Variants in CFAP52 observed in about 807,000 individuals in gnomAD.
CFAP52 encodes cilia- and flagella-associated protein 52.
A neutral mutation model predicts 70.5 loss-of-function variants in CFAP52; 57 were observed. The ratio of observed to expected loss-of-function variants is 0.81; its 90% CI spans 0.65 to 1.01. The LOEUF (loss-of-function observed/expected upper bound fraction) is 1.01, where lower values mean the gene tolerates loss of function less well. CFAP52 is among the 50% of genes least tolerant of loss of function. The pLI, the probability that CFAP52 is intolerant of heterozygous loss-of-function variation, is 0.00. For missense variants in CFAP52, 785 were observed against 788.5 expected (o/e 1.00, Z 0.05); for synonymous variants, 267 against 292.5 (o/e 0.91, Z 0.89).
intron 3 of CFAP52, among the ~76,000 whole-genome samples, chr17:9,593,293 C>G (rs1908847847): frequency 1.3e-5 from 2 of 152,096 alleles, no homozygotes; most frequent in African/African-American, 4.8e-5. Flanking sequence ...GAAGTGTAAC[C>G]CTATAGCTGC....
At position 9,609,708 on chromosome 17, in the gene CFAP52, AT is replaced by A. The variant is rs937896789; in HGVS notation, c.854+1499del. 9.9e-4 allele frequency among the ~76,000 whole-genome samples: 149 copies of A among 150,664 alleles called. 1 individual carries two copies. Among genetic ancestry groups the A allele is most frequent in the Admixed American group, 4.6e-3 (69 of 15,106 alleles). On this transcript the variant is annotated intron_variant, in intron 7 of 13. Transcript: ENST00000352665. ...GGTGACAGAACGAGACCTCGTCTCA[AT>A]TTTTTTTTTAAATAAAAAAGCAGTG...
chr17:9,604,042 C>T (rs1349785123), intron 6 of CFAP52, among the ~76,000 whole-genome samples: 1 of 151,758 alleles, frequency 6.6e-6, no homozygotes, highest in African/African-American at 2.4e-5. Flanking sequence ...AAAGGAAATA[C>T]AATGGAAAAA....
At chr17:9,632,011 G>C (rs1319780311) in intron 9 of CFAP52, among the ~76,000 whole-genome samples, 1 of 151,202 alleles carries the variant, frequency 6.6e-6, no homozygotes, top group Non-Finnish European at 1.5e-5. Context: ...GTCCTCAAGT[G>C]ATCCGCCTGC....
chr17:9,610,589 C>T (rs1379434635), intron 7 of CFAP52, among the ~76,000 whole-genome samples: 2 of 151,790 alleles, frequency 1.3e-5, no homozygotes, highest in Admixed American at 1.3e-4. Context: ...GGCTGGAGTG[C>T]AATGACGCCA....
At chr17:9,622,533 C>G (rs1910079622) in intron 8 of CFAP52, among the ~76,000 whole-genome samples, 2 of 150,674 alleles carry the variant, frequency 1.3e-5, no homozygotes, top group African/African-American at 4.9e-5. Flanking sequence ...AGAGTAAGAC[C>G]CTGTTTCTAT....
chr17:9,580,676 G>A (rs535878214), intron 1 of CFAP52, among the ~76,000 whole-genome samples: 4 of 126,812 alleles, frequency 3.2e-5, no homozygotes, highest in Non-Finnish European at 6.7e-5. Context: ...GCAACAGAGT[G>A]AGACCTGGTC....
chr17:9,616,696 C>T lies in CFAP52; in HGVS notation c.1025+4217C>T, dbSNP rs1378937396. Among the ~76,000 whole-genome samples the T allele has an allele frequency of 2.7e-5, 4 of 149,250 alleles. No individual in the cohort carries two copies. The South Asian group carries it at 6.4e-4, about 24-fold the overall frequency. The stretch of plus-strand genomic sequence containing the variant: ...CCTCAAGTGGGTCCCTGACCCCTGA[C>T]CCCCGGGCAGCCTAACTGGGAGGCA... On this transcript the variant is annotated intron_variant, in intron 8 of 13. Transcript: ENST00000352665.
chr17:9,632,826 A>G, intron 9 of CFAP52, 62 bp from the exon 10 acceptor site: 1 of 1,575,816 alleles, frequency 6.3e-7, no homozygotes, highest in Non-Finnish European at 8.6e-7. Flanking sequence ...TGAGGCCAGC[A>G]GACTGTGGAG....
chr17:9,633,843 AT>A (rs558193967), intron 10 of CFAP52, among the ~76,000 whole-genome samples: 4,440 of 150,320 alleles, frequency 0.03, 204 homozygotes, highest in African/African-American at 0.1. Flanking sequence ...CGCCCAGCTA[AT>A]TTTTTTTTGT....
At chr17:9,624,310 G>A (rs1419184218) in intron 8 of CFAP52, among the ~76,000 whole-genome samples, 1 of 151,904 alleles carries the variant, frequency 6.6e-6, no homozygotes, top group East Asian at 1.9e-4. Context: ...TCTGTGTTTA[G>A]TAATTTGAGA....
At chr17:9,638,083 G>C (rs1910889025) in intron 11 of CFAP52, among the ~76,000 whole-genome samples, 1 of 152,202 alleles carries the variant, frequency 6.6e-6, no homozygotes, top group South Asian at 2.1e-4. Context: ...GCATGATATG[G>C]TACGTCCAAA....
chr17:9,636,189 AAG>A (rs1910777493), intron 11 of CFAP52, among the ~76,000 whole-genome samples: 1 of 106,110 alleles, frequency 9.4e-6, no homozygotes, highest in Non-Finnish European at 1.8e-5. Context: ...AAAAGAAAGA[AAG>A]AAAGAAAGAA....
chr17:9,605,087 C>T (rs983409890), intron 6 of CFAP52, among the ~76,000 whole-genome samples: 3 of 152,142 alleles, frequency 2.0e-5, no homozygotes, highest in Admixed American at 6.5e-5. Flanking sequence ...CAGTTGCACT[C>T]CTTGCTATTT....
chr17:9,625,962 C>T (rs1910220289), intron 8 of CFAP52, among the ~76,000 whole-genome samples: 1 of 152,154 alleles, frequency 6.6e-6, no homozygotes, highest in Non-Finnish European at 1.5e-5. Flanking sequence ...GATACTCTTT[C>T]CTGCTTTCCT....
chr17:9,607,460 T>C (rs1909537400), intron 6 of CFAP52, among the ~76,000 whole-genome samples: 1 of 152,242 alleles, frequency 6.6e-6, no homozygotes, highest in African/African-American at 2.4e-5. Flanking sequence ...TCAAGCCTTT[T>C]TTTTCTTTGG....
At chr17:9,608,331 C>A in intron 7 of CFAP52, 112 bp downstream of exon 7, 1 of 860,990 alleles carries the variant, frequency 1.2e-6, no homozygotes, top group South Asian at 3.0e-5. Flanking sequence ...TAAAAAATTT[C>A]ATCTTGCTGT....
intron 10 of CFAP52, among the ~76,000 whole-genome samples, chr17:9,633,679 T>TC (rs1910651253): frequency 6.6e-6 from 1 of 150,488 alleles, no homozygotes; most frequent in South Asian, 2.1e-4. Context: ...TCTTATCTTT[T>TC]TTTTTTTTTT....
intron 8 of CFAP52, among the ~76,000 whole-genome samples, chr17:9,625,883 C>T (rs1479012508): frequency 6.6e-6 from 1 of 152,162 alleles, no homozygotes; most frequent in Non-Finnish European, 1.5e-5. Flanking sequence ...TACTTTTGAG[C>T]CCAGTTTTTC....
At chr17:9,577,635 T>C (rs1283611259) in intron 1 of CFAP52, among the ~76,000 whole-genome samples, 1 of 152,370 alleles carries the variant, frequency 6.6e-6, no homozygotes, top group East Asian at 1.9e-4. Flanking sequence ...TCTTGACTCT[T>C]GGTTTAACTT....
Sources: gnomAD v4.1 joint callset for allele counts (sites outside exome capture counted in the v4.1 genomes callset) on GRCh38, gnomAD v4.1.1 for gene constraint, MANE v1.5 for transcripts, NCBI Gene and HGNC (gene_info 2026-07-23, HGNC 2026-07-21) for gene names.